LPP: variants seen among roughly 807,000 people sequenced by gnomAD.
LPP encodes the protein LIM domain containing preferred translocation partner in lipoma, also known as lipoma-preferred partner.
In LPP, 38 loss-of-function variants were observed where a neutral mutation model predicts 60.4. That is an observed-to-expected ratio of 0.63 (90% CI 0.49 to 0.83). LPP has a LOEUF of 0.83. Ranked by LOEUF, LPP falls within the 40% of genes least tolerant of loss-of-function variation. The pLI, the probability that LPP is intolerant of heterozygous loss-of-function variation, is 0.00. For missense variants in LPP, 902 were observed against 783.6 expected (o/e 1.15, Z -1.80); for synonymous variants, 328 against 290.8 (o/e 1.13, Z -1.30).
At chr3:188,678,769 GGGAAA>G (rs1858724489) in intron 7 of LPP, among the ~76,000 whole-genome samples, 1 of 152,160 alleles carries the variant, frequency 6.6e-6, no homozygotes, top group South Asian at 2.1e-4. Flanking sequence ...TGCCCTTATA[GGGAAA>G]AATAAGATTT....
At chr3:188,274,278 A>G (rs1192419271) in intron 2 of LPP, among the ~76,000 whole-genome samples, 1 of 152,232 alleles carries the variant, frequency 6.6e-6, no homozygotes, top group Non-Finnish European at 1.5e-5. Context: ...TCATGTAGGA[A>G]CATGCTCTGT....
In LPP at chr3:188,675,725, A is replaced by G. The variant is rs1297406506; in HGVS notation, c.1114-32542A>G. The stretch of plus-strand genomic sequence containing the variant: ...TCTATTTCAACTCCAACATTTAATA[A>G]TTCTAAAGTTCTTAGTGAGCTCTGA... On this transcript the variant is annotated intron_variant, in intron 7 of 11. Transcript: ENST00000617246. Among the ~76,000 whole-genome samples, 6 of 152,212 alleles carry G rather than the reference A, an allele frequency of 3.9e-5. No homozygotes were observed. The East Asian group carries it at 1.2e-3, about 29-fold the overall frequency.
intron 3 of LPP, among the ~76,000 whole-genome samples, chr3:188,368,084 T>C (rs180743647): frequency 8.3e-4 from 126 of 152,250 alleles, no homozygotes; most frequent in Non-Finnish European, 8.1e-4. Context: ...TGAAATGAAA[T>C]GTTGTTAGGA....
At chr3:188,350,403 G>GT (rs1316704885) in intron 3 of LPP, among the ~76,000 whole-genome samples, 1 of 152,204 alleles carries the variant, frequency 6.6e-6, no homozygotes, top group Admixed American at 6.5e-5. Context: ...GATTTGAAGA[G>GT]TAAGTCTCTG....
rs541956084 is a variant in LPP, at chr3:188,689,196, G to A, written c.1114-19071G>A. Among the ~76,000 whole-genome samples, 5 of 152,278 alleles carry A rather than the reference G, an allele frequency of 3.3e-5. No homozygotes were observed. The South Asian group carries it at 1.0e-3, about 32-fold the overall frequency. On this transcript the variant is annotated intron_variant, in intron 7 of 11. Coordinates refer to ENST00000617246, the MANE Select transcript of LPP (RefSeq NM_001375462.1). The stretch of plus-strand genomic sequence containing the variant: ...GGGGTCGGCCTGGCACCCAGCTATG[G>A]TAGTTAGCAAATCTATCCTCAGCTC...
chr3:188,687,491 A>T (rs1246662370), intron 7 of LPP, among the ~76,000 whole-genome samples: 2 of 152,100 alleles, frequency 1.3e-5, no homozygotes, highest in Non-Finnish European at 1.5e-5. Context: ...TTTTTAAGGC[A>T]GTTTTCCTTG....
chr3:188,228,705 T>C (rs2096638608), intron 2 of LPP, among the ~76,000 whole-genome samples: 1 of 152,064 alleles, frequency 6.6e-6, no homozygotes, highest in South Asian at 2.1e-4. Context: ...AGGCAGTGAG[T>C]ATGGTGGGAT....
chr3:188,827,903 G>A (rs1008983507), intron 9 of LPP, among the ~76,000 whole-genome samples: 1 of 152,076 alleles, frequency 6.6e-6, no homozygotes, highest in Non-Finnish European at 1.5e-5. Context: ...TATAAAAAAC[G>A]TTTTCCATTC....
chr3:188,306,740 G>T (rs755070072), intron 2 of LPP, among the ~76,000 whole-genome samples: 1 of 152,160 alleles, frequency 6.6e-6, no homozygotes, highest in Admixed American at 6.5e-5. Flanking sequence ...GCCGCTTGGC[G>T]CTAGCTAATT....
At chr3:188,553,016 G>A (rs1344617150) in intron 6 of LPP, among the ~76,000 whole-genome samples, 2 of 152,168 alleles carry the variant, frequency 1.3e-5, no homozygotes, top group Non-Finnish European at 2.9e-5. Flanking sequence ...GTCATAAAGT[G>A]TGTTTCGTGC....
At chr3:188,158,815 G>A (rs1008037810) in intron 1 of LPP, among the ~76,000 whole-genome samples, 5 of 152,140 alleles carry the variant, frequency 3.3e-5, no homozygotes, top group African/African-American at 1.2e-4. Flanking sequence ...ATGCCCACAT[G>A]CATGAAAAGC....
At chr3:188,694,710 A>T (rs73196749) in intron 7 of LPP, among the ~76,000 whole-genome samples, 9,549 of 149,174 alleles carry the variant, frequency 0.064, 358 homozygotes, top group Non-Finnish European at 0.089. Context: ...AAAAAAAAAA[A>T]TAAATAAAAA....
At chr3:188,388,866 T>C (rs1484809567) in intron 3 of LPP, among the ~76,000 whole-genome samples, 1 of 152,226 alleles carries the variant, frequency 6.6e-6, no homozygotes, top group African/African-American at 2.4e-5. Flanking sequence ...CCAGATGGTC[T>C]CTGTCACAGG....
intron 9 of LPP, among the ~76,000 whole-genome samples, chr3:188,800,127 C>A (rs1401831893): frequency 6.7e-6 from 1 of 148,412 alleles, no homozygotes; most frequent in Non-Finnish European, 1.5e-5. Context: ...ATACATGAAC[C>A]GTAACTCCCT....
chr3:188,708,005 T>G (rs942259921), intron 7 of LPP, among the ~76,000 whole-genome samples: 1 of 152,248 alleles, frequency 6.6e-6, no homozygotes, highest in African/African-American at 2.4e-5. Flanking sequence ...TTAGCAATTG[T>G]TGAACAAAAT....
intron 5 of LPP, among the ~76,000 whole-genome samples, chr3:188,519,208 G>C (rs1335334909): frequency 6.6e-6 from 1 of 152,006 alleles, no homozygotes; most frequent in Non-Finnish European, 1.5e-5. Flanking sequence ...TACCTTAATC[G>C]AGTCATCAAA....
At chr3:188,257,836 A>G (rs1732180483) in intron 2 of LPP, among the ~76,000 whole-genome samples, 1 of 152,230 alleles carries the variant, frequency 6.6e-6, no homozygotes, top group African/African-American at 2.4e-5. Context: ...AGATTAAAAG[A>G]CTTACTTAAG....
intron 7 of LPP, among the ~76,000 whole-genome samples, chr3:188,615,874 T>G (rs1844750446): frequency 6.6e-6 from 1 of 152,210 alleles, no homozygotes; most frequent in Admixed American, 6.5e-5. Context: ...GTTGACCGCA[T>G]AAATGTCTTA....
At chr3:188,673,378 G>A (rs1857343678) in intron 7 of LPP, among the ~76,000 whole-genome samples, 1 of 151,464 alleles carries the variant, frequency 6.6e-6, no homozygotes, top group Admixed American at 6.6e-5. Context: ...AAATGAAGGT[G>A]GTATTCATCC....
Sources: gnomAD v4.1 joint callset for allele counts (sites outside exome capture counted in the v4.1 genomes callset) on GRCh38, gnomAD v4.1.1 for gene constraint, MANE v1.5 for transcripts, NCBI Gene and HGNC (gene_info 2026-07-23, HGNC 2026-07-21) for gene names.